CFAP54: variants seen among roughly 807,000 people sequenced by gnomAD.
CFAP54 encodes the protein cilia and flagella associated protein 54.
CFAP54 carries 290 observed loss-of-function variants against 370.4 expected under a neutral mutation model. The ratio of observed to expected loss-of-function variants is 0.78; its 90% CI spans 0.71 to 0.86. CFAP54 has a LOEUF of 0.86. Among genes scored for constraint, CFAP54 ranks in the 40% least tolerant of loss-of-function variants. The pLI is 0.00. For missense variants in CFAP54, 3,399 were observed against 3,528.7 expected (o/e 0.96, Z 0.93); for synonymous variants, 1,206 against 1,236.5 (o/e 0.98, Z 0.52).
intron 66 of CFAP54, among the ~76,000 whole-genome samples, chr12:96,846,055 C>T (rs975429464): frequency 1.3e-5 from 2 of 152,152 alleles, no homozygotes; most frequent in Admixed American, 6.5e-5. Context: ...TATATCCAGT[C>T]AATAAACTCA....
chr12:96,802,445 C>T (rs1565983404), intron 63 of CFAP54, among the ~76,000 whole-genome samples: 1 of 152,122 alleles, frequency 6.6e-6, no homozygotes, highest in Non-Finnish European at 1.5e-5. Context: ...ACCCACTGCC[C>T]TACTATGGGC....
chr12:96,695,169 A>T (rs2136569919), intron 45 of CFAP54, among the ~76,000 whole-genome samples: 1 of 152,354 alleles, frequency 6.6e-6, no homozygotes, highest in East Asian at 1.9e-4. Context: ...CGGGGACAAG[A>T]TGTGCACAAT....
intron 49 of CFAP54, 120 bp downstream of exon 49, chr12:96,718,642 G>A (rs976591242): frequency 3.3e-6 from 2 of 600,620 alleles, no homozygotes; most frequent in Admixed American, 3.3e-5. Flanking sequence ...CTTTTCTTGT[G>A]TAAGAATGGG....
intron 63 of CFAP54, among the ~76,000 whole-genome samples, chr12:96,810,697 A>G (rs1159578440): frequency 6.6e-6 from 1 of 152,192 alleles, no homozygotes; most frequent in African/African-American, 2.4e-5. Context: ...TATGGGAAGA[A>G]GAGCGGTAGC....
intron 39 of CFAP54, among the ~76,000 whole-genome samples, chr12:96,673,980 T>C (rs1283567329): frequency 6.6e-6 from 1 of 152,218 alleles, no homozygotes; most frequent in African/African-American, 2.4e-5. Flanking sequence ...CTTGTATGGG[T>C]GAGTAACTTG....
intron 26 of CFAP54, among the ~76,000 whole-genome samples, chr12:96,604,888 T>C (rs530675151): frequency 6.6e-6 from 1 of 152,252 alleles, no homozygotes; most frequent in Admixed American, 6.5e-5. Context: ...CACTCATGGC[T>C]TCCCTTTTCT....
rs35429111 is a variant in CFAP54, at chr12:96,772,810, G to T, written c.8281+7592G>T. On this transcript the variant is annotated intron_variant, in intron 60 of 67. Transcript: ENST00000524981. ...AATTTTTGTATTTTTAGTAGAGACAGGGTTTCACCATGTTGGCCAGGCTGG... is the reference window on the plus strand; with the variant it reads ...AATTTTTGTATTTTTAGTAGAGACATGGTTTCACCATGTTGGCCAGGCTGG... Among the ~76,000 whole-genome samples, 841 of 152,216 alleles carry T rather than the reference G, an allele frequency of 5.5e-3. 9 individuals carry two copies. The highest frequency in any genetic ancestry group is 6.3e-3 in the Non-Finnish European group (426 of 68,006).
chr12:96,756,485 A>G lies in CFAP54; in HGVS notation c.7868A>G (p.Glu2623Gly), dbSNP rs530127648. The G allele has an allele frequency of 9.0e-5, 144 of 1,602,014 alleles. No homozygotes were observed. The highest frequency in any genetic ancestry group is 1.2e-4 in the Non-Finnish European group (141 of 1,175,774). ...KGKIERQILM[E>G]EKSPSFQLES... ...AAAATAGAACGTCAAATACTAATGG[A>G]AGAGAAATCTCCAAGTTTTCAACTT... The change falls in exon 57 of 68, where the codon GAA becomes GGA. Residue 2623 changes from glutamate to glycine, a missense_variant. Coordinates refer to ENST00000524981, the MANE Select transcript of CFAP54 (RefSeq NM_001306084.2).
chr12:96,626,547 A>G (rs1956551277), intron 29 of CFAP54, among the ~76,000 whole-genome samples: 1 of 152,202 alleles, frequency 6.6e-6, no homozygotes, highest in Non-Finnish European at 1.5e-5. Flanking sequence ...AGTTAGTCAT[A>G]CATTAGAAGT....
rs1373017634 is a variant in CFAP54, at chr12:96,588,275, G to A, written c.3076-1152G>A. Among the ~76,000 whole-genome samples, 5 of 152,040 alleles carry A rather than the reference G, an allele frequency of 3.3e-5. No homozygotes were observed. In the East Asian group the frequency reaches 9.6e-4, roughly 29 times the overall value. On this transcript the variant is annotated intron_variant, in intron 22 of 67. Transcript: ENST00000524981. ...GTCATTTCCATTACTGGACCTTTTGGAGATTCTGTTTTAACTGTGCTGATC... is the reference window on the plus strand; with the variant it reads ...GTCATTTCCATTACTGGACCTTTTGAAGATTCTGTTTTAACTGTGCTGATC...
At chr12:96,622,339 C>CCTCTCTCT (rs371334823) in intron 27 of CFAP54, among the ~76,000 whole-genome samples, 38 of 137,420 alleles carry the variant, frequency 2.8e-4, no homozygotes, top group African/African-American at 7.9e-4. Flanking sequence ...GCCCTCCCTC[C>CCTCTCTCT]CTCTCTCTCT....
At chr12:96,558,275 A>C (rs866900129) in intron 17 of CFAP54, among the ~76,000 whole-genome samples, 1 of 152,230 alleles carries the variant, frequency 6.6e-6, no homozygotes, top group Non-Finnish European at 1.5e-5. Context: ...CATTCAACAT[A>C]GTACTGGAAG....
intron 66 of CFAP54, among the ~76,000 whole-genome samples, chr12:96,832,013 A>G (rs1014962633): frequency 4.6e-5 from 7 of 152,182 alleles, no homozygotes; most frequent in East Asian, 1.9e-4. Flanking sequence ...AACTCCCACA[A>G]TTCCCGTGTT....
chr12:96,836,261 G>T (rs1462414038), intron 66 of CFAP54, among the ~76,000 whole-genome samples: 1 of 152,158 alleles, frequency 6.6e-6, no homozygotes, highest in Admixed American at 6.5e-5. Flanking sequence ...GAGAGATAAA[G>T]ATCTTGAATT....
intron 32 of CFAP54, among the ~76,000 whole-genome samples, chr12:96,638,996 C>G (rs1208758268): frequency 6.6e-6 from 1 of 152,140 alleles, no homozygotes; most frequent in Admixed American, 6.5e-5. Flanking sequence ...TTTGCTCTTG[C>G]TTCTCTAGTT....
intron 26 of CFAP54, among the ~76,000 whole-genome samples, chr12:96,621,179 G>T (rs1327204393): frequency 6.6e-6 from 1 of 152,208 alleles, no homozygotes; most frequent in Non-Finnish European, 1.5e-5. Context: ...ACATCATGAG[G>T]TCGGTAGTTA....
chr12:96,780,938 G>A (rs1474963114), intron 60 of CFAP54, among the ~76,000 whole-genome samples: 1 of 152,176 alleles, frequency 6.6e-6, no homozygotes, highest in Non-Finnish European at 1.5e-5. Flanking sequence ...CAAGGGGCTT[G>A]TAAAGACTCC....
chr12:96,512,301 TTATATATA>T (rs1165045194), intron 4 of CFAP54, among the ~76,000 whole-genome samples: 331 of 30,944 alleles, frequency 0.011, 1 homozygote, highest in African/African-American at 0.017. Flanking sequence ...GGAACCAATT[TTATATATA>T]TATATATATA....
At chr12:96,516,805 C>T (rs1955240914) in intron 5 of CFAP54, among the ~76,000 whole-genome samples, 1 of 152,102 alleles carries the variant, frequency 6.6e-6, no homozygotes, top group Non-Finnish European at 1.5e-5. Flanking sequence ...ATTTCACGTA[C>T]CATTACACAA....
Sources: allele counts gnomAD v4.1 joint callset (sites outside exome capture counted in the v4.1 genomes callset), GRCh38; gene constraint gnomAD v4.1.1; transcripts MANE v1.5; gene names NCBI Gene and HGNC (gene_info 2026-07-23, HGNC 2026-07-21).